The following ZSCAN10 variants were observed in gnomAD, a reference collection of about 807,000 sequenced individuals.
ZSCAN10 encodes the protein zinc finger and SCAN domain containing 10, also known as zinc finger and SCAN domain-containing protein 10.
Under a neutral mutation model 63.7 loss-of-function variants are expected in ZSCAN10, and 52 were observed. That is an observed-to-expected ratio of 0.82 (90% CI 0.65 to 1.03). The LOEUF (loss-of-function observed/expected upper bound fraction) is 1.03, where lower values mean the gene tolerates loss of function less well. ZSCAN10 is among the 50% of genes least tolerant of loss of function. ZSCAN10 has a pLI of 0.00. For missense variants in ZSCAN10, 1,223 were observed against 1,103.8 expected, an observed-to-expected ratio of 1.11 and a Z score of -1.53; for synonymous variants, 544 against 479.6, an observed-to-expected ratio of 1.13 and a Z score of -1.76.
Position 3,092,136 on chromosome 16 carries a change from C to T in ZSCAN10, c.577G>A (p.Glu193Lys). The T allele has an allele frequency of 6.2e-7, 1 of 1,613,256 alleles. No homozygotes were observed. ...RPQPRAAQPA[E>K]PGQWRLPPSS... The stretch of plus-strand genomic sequence containing the variant: ...GGGGGAAGCCTCCACTGTCCCGGCT[C>T]AGCAGGCTGGGCAGCCCTTGGCTGG... Residue 193 changes from glutamate to lysine, a missense_variant, in exon 3 of 6, where the codon GAG becomes AAG. Physicochemically the swap from Glu to Lys is moderately conservative, Grantham distance 56. Coordinates refer to ENST00000576985, the MANE Select transcript of ZSCAN10 (RefSeq NM_032805.3).
At chr16:3,091,400 T>G in intron 5 of ZSCAN10, 140 bp downstream of exon 5, 2 of 889,518 alleles carry the variant, frequency 2.2e-6, no homozygotes, top group Non-Finnish European at 3.6e-6. Context: ...TCCTAGTACT[T>G]TGGGAGGCTG....
At chr16:3,090,755 C>A (rs1377718296) in intron 5 of ZSCAN10, 109 bp from the exon 6 acceptor site, 3 of 1,342,548 alleles carry the variant, frequency 2.2e-6, no homozygotes, top group Non-Finnish European at 2.9e-6. Flanking sequence ...TCCTGCAAAG[C>A]TGGTAGGTAA....
Position 3,092,253 on chromosome 16 carries a change from A to G in ZSCAN10, c.460T>C (p.Cys154Arg). 1 of 1,612,960 alleles carries G rather than the reference A, an allele frequency of 6.2e-7. No homozygotes were observed. Among genetic ancestry groups the G allele is most frequent in the Non-Finnish European group, 8.5e-7 (1 of 1,179,962 alleles). ...RADVTLEEKG[C>R]ASQVPSHSPK... ...CTGTGGCTGGGGACCTGGGAAGCACACCCCTTTTCCTCCAAGGTGACGTCT... is the reference window on the plus strand; with the variant it reads ...CTGTGGCTGGGGACCTGGGAAGCACGCCCCTTTTCCTCCAAGGTGACGTCT... The change falls in exon 3 of 6, where the codon TGT (cysteine) becomes CGT (arginine). Residue 154 changes from cysteine (C) to arginine (R), a missense_variant. By Grantham distance (180) the Cys-to-Arg change is radical. Coordinates refer to ENST00000576985, the MANE Select transcript of ZSCAN10 (RefSeq NM_032805.3).
chr16:3,093,992 T>C (rs963841962), intron 1 of ZSCAN10, among the ~76,000 whole-genome samples: 2 of 152,146 alleles, frequency 1.3e-5, no homozygotes, highest in Admixed American at 1.3e-4. Flanking sequence ...GCCTGTTTTT[T>C]AAATTTTTAA....
Position 3,090,550 on chromosome 16 carries a change from T to C in ZSCAN10, c.884A>G (p.Asp295Gly), listed in dbSNP as rs1250588142. The change falls in exon 6 of 6, where the codon GAT becomes GGT. Residue 295 changes from aspartate (D) to glycine (G), a missense_variant. Physicochemically the swap from Asp to Gly is moderately conservative, Grantham distance 94 (BLOSUM62 -1). Transcript: ENST00000576985. Reference protein sequence around the residue: ...PTPILAESQADSPGVPGEPCA... With the variant: ...PTPILAESQAGSPGVPGEPCA... ...AGGCTCTCCCGGCACCCCAGGACTATCTGCCTGGGACTCTGCTAAGATGGG... is the reference window on the plus strand; with the variant it reads ...AGGCTCTCCCGGCACCCCAGGACTACCTGCCTGGGACTCTGCTAAGATGGG... 1.2e-6 allele frequency: 2 copies of C among 1,610,692 alleles called. No individual in the cohort carries two copies. The highest frequency in any genetic ancestry group is 2.7e-5 in the African/African-American group (2 of 74,968).
intron 3 of ZSCAN10, 29 bp downstream of exon 3, chr16:3,092,020 C>T: frequency 3.9e-6 from 6 of 1,550,626 alleles, no homozygotes; most frequent in Non-Finnish European, 5.2e-6. Context: ...ACACCCAGTC[C>T]TTGGCCTCCT....
chr16:3,095,013 G>A (rs1957136079), intron 1 of ZSCAN10, among the ~76,000 whole-genome samples: 1 of 151,858 alleles, frequency 6.6e-6, no homozygotes, highest in South Asian at 2.1e-4. Context: ...TGGAGAAGGG[G>A]CCTGATATAT....
At position 3,090,095 on chromosome 16, in the gene ZSCAN10, G is replaced by A; in HGVS notation, c.1339C>T (p.Leu447Phe). 1 of 1,603,220 alleles carries A rather than the reference G, an allele frequency of 6.2e-7. No individual in the cohort carries two copies. The highest frequency in any genetic ancestry group is 8.5e-7 in the Non-Finnish European group (1 of 1,178,300). The change falls in exon 6 of 6, where the codon CTT becomes TTT. Residue 447 changes from leucine to phenylalanine, a missense_variant. By Grantham distance (22) the Leu-to-Phe change is conservative. Coordinates refer to ENST00000576985, the MANE Select transcript of ZSCAN10 (RefSeq NM_032805.3). ...GCGTGCGCCAGCAGGTGCTGCACAA[G>A]GCTGGCGCGGCGCTGGAAGCCGCGG... ...CGRGFQRRAS[L>F]VQHLLAHAQD...
rs982502900 is a variant in ZSCAN10, at chr16:3,092,841, G to A, written c.97C>T (p.Arg33Ter). The A allele has an allele frequency of 6.8e-6, 10 of 1,480,328 alleles. No homozygotes were observed. Among genetic ancestry groups the A allele is most frequent in the African/African-American group, 2.8e-5 (2 of 70,840 alleles). The allele number at this position is 1,480,328 out of a possible 1,614,324, so 91.7% of individuals were successfully genotyped here. ...EEAVSPEDPR[R>*]PESRLRPEVA... ...TCGGGCCTCAGCCTGGACTCTGGTC[G>A]CCTGGGGTCCTCTGGGCTGACAGCC... The change falls in exon 2 of 6, where the codon CGA becomes TGA. Residue 33 changes from arginine (R) to a stop codon, truncating the protein, a stop_gained. Transcript: ENST00000576985. LOFTEE classifies it high-confidence loss of function.
chr16:3,097,863 C>T (rs1346866194), intron 1 of ZSCAN10, among the ~76,000 whole-genome samples: 1 of 151,768 alleles, frequency 6.6e-6, no homozygotes, highest in East Asian at 1.9e-4. Context: ...CAGAAAAAGT[C>T]TGTGATAAAT....
In ZSCAN10 at chr16:3,093,216, C is replaced by T. The variant is rs1004165144; in HGVS notation, c.-67-212G>A. On this transcript the variant is annotated intron_variant, in intron 1 of 5. Coordinates refer to ENST00000576985, the MANE Select transcript of ZSCAN10 (RefSeq NM_032805.3). ...CTGACAGTTCTGTATTATCATCCCTCCTTAAAGCATTTAGAGATTTACATC... is the reference window on the plus strand; with the variant it reads ...CTGACAGTTCTGTATTATCATCCCTTCTTAAAGCATTTAGAGATTTACATC... 41 of 316,626 alleles carry T rather than the reference C, an allele frequency of 1.3e-4. No homozygotes were observed. In the Middle Eastern group the frequency reaches 4.2e-3, roughly 33 times the overall value. 19.6% of individuals were successfully genotyped at this position (316,626 alleles called of 1,614,324 possible). A position where few individuals can be genotyped will look rare whatever the true frequency, so the allele number is the denominator to read the frequency against.
chr16:3,089,795 C>G lies in ZSCAN10; in HGVS notation c.1639G>C (p.Glu547Gln). 6.3e-7 allele frequency: 1 copy of G among 1,588,170 alleles called. No homozygotes were observed. Among genetic ancestry groups the G allele is most frequent in the South Asian group, 1.1e-5 (1 of 89,416 alleles). ...CAAGCCTGGCAGGAGAAGGGCCGCT[C>G]GCCCGTGTGCACCCTCCGGTGGGCC... ...LVAHRRVHTG[E>Q]RPFSCQACGR... Residue 547 changes from glutamate to glutamine, a missense_variant, in exon 6 of 6, where the codon GAG becomes CAG. Coordinates refer to ENST00000576985, the MANE Select transcript of ZSCAN10 (RefSeq NM_032805.3).
intron 1 of ZSCAN10, 121 bp from the exon 2 acceptor site, chr16:3,093,125 A>G: frequency 1.4e-6 from 1 of 722,088 alleles, no homozygotes; most frequent in East Asian, 3.4e-5. Flanking sequence ...CTCACTGGGT[A>G]ATGGCTCACG....
Position 3,089,572 on chromosome 16 carries a change from A to C in ZSCAN10, c.1862T>G (p.Leu621Arg). Residue 621 changes from leucine (L) to arginine (R), a missense_variant, in exon 6 of 6, where the codon CTG becomes CGG. Coordinates refer to ENST00000576985, the MANE Select transcript of ZSCAN10 (RefSeq NM_032805.3). ...CGKSFGQTQD[L>R]ARHQRSHTGE... is the part of the protein sequence containing the mutation. ...CGTGTGGCTGCGCTGGTGGCGGGCC[A>C]GATCCTGGGTCTGGCCGAAACTCTT... is the stretch of plus-strand genomic sequence containing the variant. 6.3e-7 allele frequency: 1 copy of C among 1,592,104 alleles called. No homozygotes were observed. Among genetic ancestry groups the C allele is most frequent in the Non-Finnish European group, 8.5e-7 (1 of 1,169,870 alleles).
Position 3,089,670 on chromosome 16 carries a change from C to A in ZSCAN10, c.1764G>T (p.Val588=), listed in dbSNP as rs186432940. The A allele has an allele frequency of 5.6e-5, 90 of 1,597,446 alleles. No individual in the cohort carries two copies. The Admixed American group carries it at 9.9e-4, about 18-fold the overall frequency. Residue 588 remains valine (V), a synonymous_variant, in exon 6 of 6, where the codon GTG becomes GTT. Coordinates refer to ENST00000576985, the MANE Select transcript of ZSCAN10 (RefSeq NM_032805.3). The stretch of plus-strand genomic sequence containing the variant: ...GGTGGCGGGCAAGGCTGGCCCGGCG[C>A]ACAAAGCGCTTCCCGCACTGCGGAC... ...YACPQCGKRF[V]RRASLARHLL... is the part of the protein sequence containing the mutation.
chr16:3,091,692 T>C (rs1179506809), intron 4 of ZSCAN10, 72 bp downstream of exon 4: 109 of 1,607,876 alleles, frequency 6.8e-5, no homozygotes, highest in Non-Finnish European at 5.6e-5. Context: ...AGGGAAGGTA[T>C]GGATTTGCTA....
chr16:3,098,063 G>A (rs367886517), intron 1 of ZSCAN10, among the ~76,000 whole-genome samples: 132 of 114,724 alleles, frequency 1.2e-3, no homozygotes, highest in South Asian at 1.9e-3. Context: ...AAAAAAAAAA[G>A]AAAGAAAGAA....
At position 3,089,573 on chromosome 16, in the gene ZSCAN10, G is replaced by C. The variant is rs1246257714; in HGVS notation, c.1861C>G (p.Leu621Val). 1.9e-6 allele frequency: 3 copies of C among 1,592,186 alleles called. No homozygotes were observed. The highest frequency in any genetic ancestry group is 1.3e-5 in the African/African-American group (1 of 74,304). Residue 621 changes from leucine (L) to valine (V), a missense_variant, in exon 6 of 6, where the codon CTG becomes GTG. Transcript: ENST00000576985. ...GTGTGGCTGCGCTGGTGGCGGGCCA[G>C]ATCCTGGGTCTGGCCGAAACTCTTC... ...CGKSFGQTQD[L>V]ARHQRSHTGE...
intron 5 of ZSCAN10, among the ~76,000 whole-genome samples, chr16:3,091,285 GTA>G (rs1957070874): frequency 6.6e-6 from 1 of 151,878 alleles, no homozygotes; most frequent in African/African-American, 2.4e-5. Context: ...GTCTGGGCGA[GTA>G]ACATCCTGTT....
Sources: allele counts gnomAD v4.1 joint callset (sites outside exome capture counted in the v4.1 genomes callset), GRCh38; gene constraint gnomAD v4.1.1; transcripts MANE v1.5; gene names NCBI Gene and HGNC (gene_info 2026-07-23, HGNC 2026-07-21).